NRG3: variants seen among roughly 807,000 people sequenced by gnomAD.
NRG3 encodes neuregulin 3.
A neutral mutation model predicts 66.9 loss-of-function variants in NRG3; 31 were observed. The observed-to-expected ratio is 0.46, with a 90% CI of 0.35 to 0.63. The LOEUF (loss-of-function observed/expected upper bound fraction) is 0.63. Ranked by LOEUF, NRG3 falls within the 20% of genes least tolerant of loss-of-function variation. NRG3 has a pLI of 0.00. For missense variants in NRG3, 910 were observed against 878.9 expected (o/e 1.04, Z -0.45); for synonymous variants, 393 against 359.4 (o/e 1.09, Z -1.06).
chr10:82,240,113 T>A (rs575011539), intron 1 of NRG3, among the ~76,000 whole-genome samples: 1 of 152,266 alleles, frequency 6.6e-6, no homozygotes, highest in South Asian at 2.1e-4. Context: ...AGCCTAGAGT[T>A]CTCGTTGGAA....
chr10:82,779,366 C>T (rs1192186566), intron 3 of NRG3, among the ~76,000 whole-genome samples: 4 of 152,142 alleles, frequency 2.6e-5, no homozygotes, highest in East Asian at 1.9e-4. Flanking sequence ...AAGGCTTTCT[C>T]GTCTTATCTC....
intron 2 of NRG3, among the ~76,000 whole-genome samples, chr10:82,442,535 T>G (rs1293814585): frequency 6.6e-6 from 1 of 152,154 alleles, no homozygotes; most frequent in Non-Finnish European, 1.5e-5. Context: ...AGAAGGCTTA[T>G]GGAACATTTG....
chr10:82,899,141 A>G (rs1843966713), intron 4 of NRG3, among the ~76,000 whole-genome samples: 1 of 152,146 alleles, frequency 6.6e-6, no homozygotes, highest in Non-Finnish European at 1.5e-5. Flanking sequence ...ACAAGACCAT[A>G]GGTTCTCATT....
At chr10:82,454,420 A>G (rs942074741) in intron 2 of NRG3, among the ~76,000 whole-genome samples, 1 of 152,210 alleles carries the variant, frequency 6.6e-6, no homozygotes, top group Non-Finnish European at 1.5e-5. Context: ...AAGAATGGAG[A>G]ATATATGCTA....
At chr10:82,731,023 A>ATTTTGG (rs1565251652) in intron 2 of NRG3, among the ~76,000 whole-genome samples, 1 of 151,910 alleles carries the variant, frequency 6.6e-6, no homozygotes, top group African/African-American at 2.4e-5. Context: ...TTGTTTGTTC[A>ATTTTGG]TTTTGGTTTT....
intron 2 of NRG3, among the ~76,000 whole-genome samples, chr10:82,514,150 C>T (rs931231192): frequency 1.3e-5 from 2 of 152,166 alleles, no homozygotes; most frequent in Admixed American, 6.5e-5. Flanking sequence ...TCTCTTCACT[C>T]TGATAATAAT....
chr10:81,916,597 C>T (rs867383512), intron 1 of NRG3, among the ~76,000 whole-genome samples: 2 of 152,124 alleles, frequency 1.3e-5, no homozygotes, highest in Admixed American at 6.5e-5. Context: ...AATAGAATAA[C>T]GAACCCAAGG....
intron 4 of NRG3, among the ~76,000 whole-genome samples, chr10:82,902,048 C>T (rs575216287): frequency 3.9e-5 from 6 of 152,052 alleles, no homozygotes; most frequent in East Asian, 1.9e-4. Flanking sequence ...TATAACCAAC[C>T]GAAAGATACA....
intron 1 of NRG3, among the ~76,000 whole-genome samples, chr10:82,199,671 G>A (rs1434660369): frequency 6.6e-6 from 1 of 152,060 alleles, no homozygotes; most frequent in East Asian, 1.9e-4. Flanking sequence ...ATAGCTATTT[G>A]TTACTTGGTA....
chr10:82,419,233 T>A (rs2088874276), intron 2 of NRG3, among the ~76,000 whole-genome samples: 1 of 152,190 alleles, frequency 6.6e-6, no homozygotes, highest in African/African-American at 2.4e-5. Context: ...ATTCTTAGAT[T>A]TTAATATACT....
chr10:82,912,726 C>G (rs1845441311), intron 4 of NRG3, among the ~76,000 whole-genome samples: 1 of 151,886 alleles, frequency 6.6e-6, no homozygotes, highest in South Asian at 2.1e-4. Context: ...GTTTTTGTTT[C>G]TTTTTCTTTG....
intron 4 of NRG3, among the ~76,000 whole-genome samples, chr10:82,909,329 C>T (rs1845090809): frequency 6.6e-6 from 1 of 152,130 alleles, no homozygotes; most frequent in African/African-American, 2.4e-5. Context: ...TTCTGAAGAA[C>T]AATACAGGTT....
At chr10:82,526,591 T>C (rs900818727) in intron 2 of NRG3, among the ~76,000 whole-genome samples, 9 of 151,866 alleles carry the variant, frequency 5.9e-5, no homozygotes, top group Non-Finnish European at 1.3e-4. Context: ...AAGAAAGGTG[T>C]AGCTATAAAT....
chr10:82,133,266 A>C lies in NRG3; in HGVS notation c.824-225473A>C, dbSNP rs1188116327. 2.0e-5 allele frequency among the ~76,000 whole-genome samples: 3 copies of C among 151,998 alleles called. No homozygotes were observed. The East Asian group carries it at 5.8e-4, about 29-fold the overall frequency. On this transcript the variant is annotated intron_variant, in intron 1 of 8. Coordinates refer to ENST00000372141, the MANE Select transcript of NRG3 (RefSeq NM_001010848.4). ...TTTTTTAACATTGTTATTTTGAAAA[A>C]CTTTTATTTTAGGTTTGGGGATATA...
intron 2 of NRG3, among the ~76,000 whole-genome samples, chr10:82,367,775 C>T (rs1256311919): frequency 6.6e-6 from 1 of 152,104 alleles, no homozygotes; most frequent in Non-Finnish European, 1.5e-5. Flanking sequence ...GGGCAGATCA[C>T]ATGACCTTGG....
chr10:82,271,627 T>C (rs1250977565), intron 1 of NRG3, among the ~76,000 whole-genome samples: 1 of 152,062 alleles, frequency 6.6e-6, no homozygotes, highest in Non-Finnish European at 1.5e-5. Context: ...CTCTAATTGA[T>C]TGGAACTGTG....
intron 2 of NRG3, among the ~76,000 whole-genome samples, chr10:82,600,493 C>T (rs565880909): frequency 1.1e-4 from 16 of 152,156 alleles, no homozygotes; most frequent in African/African-American, 2.6e-4. Context: ...TTTTTTGAGA[C>T]GGAGTCTCGC....
intron 2 of NRG3, among the ~76,000 whole-genome samples, chr10:82,659,583 G>A (rs1043760095): frequency 3.3e-5 from 5 of 152,154 alleles, no homozygotes; most frequent in African/African-American, 1.2e-4. Context: ...GGTGAAGGTT[G>A]CAGAGAGCCA....
chr10:82,636,590 A>G (rs2050213045), intron 2 of NRG3, among the ~76,000 whole-genome samples: 1 of 152,168 alleles, frequency 6.6e-6, no homozygotes, highest in South Asian at 2.1e-4. Flanking sequence ...AGCAAATGGC[A>G]GGATTTCCTA....
Sources: gnomAD v4.1 joint callset for allele counts (sites outside exome capture counted in the v4.1 genomes callset) on GRCh38, gnomAD v4.1.1 for gene constraint, MANE v1.5 for transcripts, NCBI Gene and HGNC (gene_info 2026-07-23, HGNC 2026-07-21) for gene names.